The following RELN variants were observed in gnomAD, a reference collection of about 807,000 sequenced individuals.
The protein encoded by RELN is reelin.
In RELN, 108 loss-of-function variants were observed where a neutral mutation model predicts 427.6. That is an observed-to-expected ratio of 0.25 (90% CI 0.22 to 0.30). The LOEUF (loss-of-function observed/expected upper bound fraction) is 0.30, where lower values mean the gene tolerates loss of function less well. RELN is among the 10% of genes least tolerant of loss of function. The pLI, the probability that RELN is intolerant of heterozygous loss-of-function variation, is 1.00. For synonymous variants in RELN, 1,524 were observed against 1,513.4 expected (o/e 1.01, Z -0.16); for missense variants, 3,715 against 4,302.8 (o/e 0.86, Z 3.82).
chr7:103,737,220 C>A (rs1456260542), intron 6 of RELN, among the ~76,000 whole-genome samples: 2 of 152,216 alleles, frequency 1.3e-5, no homozygotes, highest in Non-Finnish European at 2.9e-5. Context: ...TATTCACCAT[C>A]TCCTGTAGCC....
At chr7:103,857,957 C>G (rs530754631) in intron 2 of RELN, among the ~76,000 whole-genome samples, 12 of 151,874 alleles carry the variant, frequency 7.9e-5, no homozygotes, top group Non-Finnish European at 1.5e-4. Context: ...TATTTTTATC[C>G]TATTTACAAC....
At chr7:103,828,923 C>T (rs1275608355) in intron 3 of RELN, among the ~76,000 whole-genome samples, 3 of 152,024 alleles carry the variant, frequency 2.0e-5, no homozygotes, top group East Asian at 3.9e-4. Context: ...TATTTTACCA[C>T]GATAAAATAG....
chr7:103,655,420 C>T (rs1331981545), intron 12 of RELN, among the ~76,000 whole-genome samples: 1 of 152,072 alleles, frequency 6.6e-6, no homozygotes, highest in Non-Finnish European at 1.5e-5. Flanking sequence ...TGCTAATACT[C>T]TCTGGTGACA....
rs60259062 is a variant in RELN, at chr7:103,926,627, G to GTTTTTTTTTTTTTTTTTTTTT, written c.227-9463_227-9443dup. On this transcript the variant is annotated intron_variant, in intron 1 of 64. Coordinates refer to ENST00000428762, the MANE Select transcript of RELN (RefSeq NM_005045.4). ...CGAACGCAGCTCTAAAGTATCATAAGTTTTTTTTTTTTTTTTTTTTTTTTT... is the reference window on the plus strand; with the variant it reads ...CGAACGCAGCTCTAAAGTATCATAAGTTTTTTTTTTTTTTTTTTTTTTTTTTTTTTTTTTTTTTTTTTTTTT... 8.0e-5 allele frequency among the ~76,000 whole-genome samples: 8 copies of GTTTTTTTTTTTTTTTTTTTTT among 99,462 alleles called. 1 individual carries two copies. The highest frequency in any genetic ancestry group is 2.1e-4 in the African/African-American group (6 of 28,148). The allele number at this position is 99,462 out of a possible 152,430, so 65.3% of individuals were successfully genotyped here.
chr7:103,591,577 A>G (rs1041561886), intron 27 of RELN, among the ~76,000 whole-genome samples: 1 of 152,228 alleles, frequency 6.6e-6, no homozygotes, highest in Non-Finnish European at 1.5e-5. Flanking sequence ...TCTCAGATGC[A>G]TGATTAAACT....
intron 9 of RELN, 76 bp from the exon 10 acceptor site, chr7:103,698,169 G>C: frequency 6.4e-7 from 1 of 1,561,840 alleles, no homozygotes; most frequent in Non-Finnish European, 8.8e-7. Context: ...GTTTCTTAAG[G>C]TTGTAGTTTC....
In RELN at chr7:103,961,296, T is replaced by C. The variant is rs186846212; in HGVS notation, c.226+27835A>G. On this transcript the variant is annotated intron_variant, in intron 1 of 64. Coordinates refer to ENST00000428762, the MANE Select transcript of RELN (RefSeq NM_005045.4). ...AGAATTCATGACTGAACATTATAAG[T>C]TATGGTCAGCCATCTGAGAAACATT... is the stretch of plus-strand genomic sequence containing the variant. Among the ~76,000 whole-genome samples the C allele has an allele frequency of 1.5e-4, 23 of 152,332 alleles. No homozygotes were observed. The East Asian group carries it at 4.3e-3, about 28-fold the overall frequency.
At chr7:103,693,171 A>AG (rs1584412075) in intron 10 of RELN, among the ~76,000 whole-genome samples, 1 of 152,188 alleles carries the variant, frequency 6.6e-6, no homozygotes. Context: ...GCCATATGGA[A>AG]GGATGAGTTC....
Position 103,539,186 on chromosome 7 carries a change from C to T in RELN, c.7072G>A (p.Glu2358Lys). 6.2e-7 allele frequency: 1 copy of T among 1,614,218 alleles called. No homozygotes were observed. Among genetic ancestry groups the T allele is most frequent in the Non-Finnish European group, 8.5e-7 (1 of 1,180,032 alleles). The change falls in exon 45 of 65, where the codon GAA becomes AAA. Residue 2358 changes from glutamate (E) to lysine (K), a missense_variant. Glu to Lys is a moderately conservative substitution (Grantham distance 56). Transcript: ENST00000428762. Reference protein sequence around the residue: ...GSTGDALVFIEKASTRYVVST... With the variant: ...GSTGDALVFIKKASTRYVVST... ...ACCACGTAACGGGTGCTGGCCTTTT[C>T]AATGAAGACCAGGGCATCACCAGTA...
chr7:103,836,586 C>T (rs1302921603), intron 2 of RELN, among the ~76,000 whole-genome samples: 5 of 152,180 alleles, frequency 3.3e-5, no homozygotes, highest in Non-Finnish European at 7.3e-5. Flanking sequence ...TGCCCACCTT[C>T]TTGCACTCTG....
chr7:103,736,922 G>A (rs575867), intron 6 of RELN, among the ~76,000 whole-genome samples: 2 of 151,956 alleles, frequency 1.3e-5, no homozygotes, highest in South Asian at 2.1e-4. Flanking sequence ...AGGGGAATGA[G>A]GGGGAGGAAG....
chr7:103,964,058 C>T (rs1176324988), intron 1 of RELN, among the ~76,000 whole-genome samples: 1 of 152,076 alleles, frequency 6.6e-6, no homozygotes, highest in African/African-American at 2.4e-5. Context: ...ACATGAGAGG[C>T]TAAGGCAGGA....
chr7:103,815,813 C>T (rs1792855501), intron 3 of RELN, among the ~76,000 whole-genome samples: 1 of 152,212 alleles, frequency 6.6e-6, no homozygotes, highest in Non-Finnish European at 1.5e-5. Context: ...AAGACTTTGT[C>T]CATTCCCAGC....
chr7:103,948,144 T>C lies in RELN; in HGVS notation c.227-30959A>G, dbSNP rs911960563. ...CTGTTAGTGTCTATAACCATTATAA[T>C]CATTAATGCAATAAGAATATTCAAT... On this transcript the variant is annotated intron_variant, in intron 1 of 64. Transcript: ENST00000428762. Among the ~76,000 whole-genome samples the C allele has an allele frequency of 5.3e-5, 8 of 152,332 alleles. No homozygotes were observed. In the East Asian group the frequency reaches 1.5e-3, roughly 29 times the overall value.
intron 57 of RELN, among the ~76,000 whole-genome samples, chr7:103,493,533 T>C (rs1203397314): frequency 6.6e-6 from 1 of 152,154 alleles, no homozygotes; most frequent in East Asian, 1.9e-4. Context: ...GATGTGCAGA[T>C]TTGAAATTTG....
chr7:103,870,576 G>C (rs895593674), intron 2 of RELN, among the ~76,000 whole-genome samples: 1 of 151,914 alleles, frequency 6.6e-6, no homozygotes, highest in African/African-American at 2.4e-5. Context: ...TCTTACTCTT[G>C]GTCATGTCCT....
At chr7:103,893,669 A>G (rs1198845775) in intron 2 of RELN, among the ~76,000 whole-genome samples, 1 of 152,184 alleles carries the variant, frequency 6.6e-6, no homozygotes, top group Non-Finnish European at 1.5e-5. Flanking sequence ...AACTTCTTTT[A>G]ATACCACAGT....
chr7:103,748,477 G>C (rs1790904454), intron 6 of RELN, among the ~76,000 whole-genome samples: 1 of 152,142 alleles, frequency 6.6e-6, no homozygotes, highest in South Asian at 2.1e-4. Flanking sequence ...CTCCTCTTCG[G>C]AACACATTTA....
At chr7:103,861,997 C>A (rs1794081649) in intron 2 of RELN, among the ~76,000 whole-genome samples, 1 of 151,988 alleles carries the variant, frequency 6.6e-6, no homozygotes, top group East Asian at 1.9e-4. Context: ...TAGAAGTATG[C>A]AAAAATAAGG....
Sources: allele counts gnomAD v4.1 joint callset (sites outside exome capture counted in the v4.1 genomes callset), GRCh38; gene constraint gnomAD v4.1.1; transcripts MANE v1.5; gene names NCBI Gene and HGNC (gene_info 2026-07-23, HGNC 2026-07-21).